PTPRN2: variants seen among roughly 807,000 people sequenced by gnomAD.
The protein encoded by PTPRN2 is protein tyrosine phosphatase receptor type N2.
A neutral mutation model predicts 118.8 loss-of-function variants in PTPRN2; 74 were observed. The observed-to-expected ratio is 0.62, with a 90% confidence interval of 0.52 to 0.76. The LOEUF is 0.76. Among genes scored for constraint, PTPRN2 ranks in the 30% least tolerant of loss-of-function variants. PTPRN2 has a pLI of 0.00. For missense variants in PTPRN2, 1,481 were observed against 1,394.4 expected, an observed-to-expected ratio of 1.06 and a Z score of -0.99; for synonymous variants, 641 against 608.0, an observed-to-expected ratio of 1.05 and a Z score of -0.80.
rs1393405719 is a variant in PTPRN2 at position 157,787,098 on chromosome 7, C to T, written c.1789-104161G>A. ...GGCGGGGGACGCGGGGGTGGCTGCC[C>T]GGGAGGCGGACGCGGGTGCGGCGGG... On this transcript the variant is annotated intron_variant, in intron 12 of 22. Transcript: ENST00000389418. This position sits in a 1 kb window ranked among gnomAD's most constrained non-coding sequence, Gnocchi z 5.3. 2.6e-5 allele frequency among the ~76,000 whole-genome samples: 3 copies of T among 113,820 alleles called. No individual in the cohort carries two copies. The highest frequency in any genetic ancestry group is 6.7e-5 in the African/African-American group (2 of 29,676). 74.7% of individuals were successfully genotyped at this position (113,820 alleles called of 152,430 possible). A position where few individuals can be genotyped will look rare whatever the true frequency, so the allele number is the denominator to read the frequency against.
chr7:157,551,844 C>T (rs1798642160), intron 21 of PTPRN2, among the ~76,000 whole-genome samples: 1 of 143,784 alleles, frequency 7.0e-6, no homozygotes, highest in Non-Finnish European at 1.5e-5. Flanking sequence ...CCACCACACA[C>T]CCCACAGCCA....
Position 157,874,544 on chromosome 7 carries a change from G to A in PTPRN2, c.1788+24129C>T, listed in dbSNP as rs959904793. On this transcript the variant is annotated intron_variant, in intron 12 of 22. Transcript: ENST00000389418. This position sits in a 1 kb window ranked among gnomAD's most constrained non-coding sequence, Gnocchi z 5.8. The stretch of plus-strand genomic sequence containing the variant: ...CGAGCTTTTATTTCAGTGAAGCTTC[G>A]GGGTCACCTGCACGGCCTCTCGTGA... Among the ~76,000 whole-genome samples the A allele has an allele frequency of 2.6e-5, 4 of 152,132 alleles. No homozygotes were observed. Among genetic ancestry groups the A allele is most frequent in the Non-Finnish European group, 5.9e-5 (4 of 68,020 alleles).
chr7:158,317,455 G>A (rs59856544), intron 2 of PTPRN2, among the ~76,000 whole-genome samples: 2,507 of 152,360 alleles, frequency 0.016, 56 homozygotes, highest in African/African-American at 0.057. Flanking sequence ...CGCGGGGCTG[G>A]CGAACGGTGT....
chr7:158,285,606 A>G (rs937032013), intron 3 of PTPRN2, among the ~76,000 whole-genome samples: 1 of 152,124 alleles, frequency 6.6e-6, no homozygotes, highest in Non-Finnish European at 1.5e-5. Context: ...CTGCCTCCAC[A>G]GCTTCTCCTC....
At chr7:157,835,512 G>A (rs548167300) in intron 12 of PTPRN2, among the ~76,000 whole-genome samples, 55 of 152,272 alleles carry the variant, frequency 3.6e-4, no homozygotes, top group African/African-American at 1.2e-3. Context: ...TATTAGAGAC[G>A]TACGGCACAG....
At chr7:158,528,329 C>T (rs941211321) in intron 1 of PTPRN2, among the ~76,000 whole-genome samples, 4 of 152,130 alleles carry the variant, frequency 2.6e-5, no homozygotes, top group Admixed American at 2.0e-4. Flanking sequence ...GGGGTATGAA[C>T]GCCAGGTGAC....
rs1455743020 is a variant in PTPRN2, at chr7:157,785,904, C to G, written c.1789-102967G>C. ...CTGGTTTTTTTTGTGTGCGTGTTCA[C>G]CAGCCTGCTCACCTGGGTAGCAGGG... On this transcript the variant is annotated intron_variant, in intron 12 of 22. Transcript: ENST00000389418. The surrounding 1 kb of genome is among the most constrained non-coding windows in gnomAD (Gnocchi z 7.3). Among the ~76,000 whole-genome samples the G allele has an allele frequency of 1.3e-5, 2 of 152,108 alleles. No homozygotes were observed. Among genetic ancestry groups the G allele is most frequent in the Admixed American group, 6.5e-5 (1 of 15,282 alleles).
chr7:158,482,070 A>G (rs1257532115), intron 2 of PTPRN2, among the ~76,000 whole-genome samples: 6 of 152,220 alleles, frequency 3.9e-5, no homozygotes, highest in Non-Finnish European at 1.5e-5. Flanking sequence ...AGATGTGACC[A>G]AATTGCCACA....
intron 11 of PTPRN2, among the ~76,000 whole-genome samples, chr7:158,070,682 G>GTGGTGGCGGAGGTGCCCC: frequency 1.4e-5 from 1 of 72,556 alleles, no homozygotes; most frequent in Non-Finnish European, 2.8e-5. Context: ...GGAGGTGCCC[G>GTGGTGGCGGAGGTGCCCC]TGGTGGCGGA....
At chr7:158,043,737 G>A (rs1202424800) in intron 11 of PTPRN2, among the ~76,000 whole-genome samples, 1 of 152,198 alleles carries the variant, frequency 6.6e-6, no homozygotes, top group African/African-American at 2.4e-5. Flanking sequence ...CAATGCCAGG[G>A]CACCCAAGTA....
chr7:158,387,812 T>G (rs1414724092), intron 2 of PTPRN2, among the ~76,000 whole-genome samples: 1 of 152,140 alleles, frequency 6.6e-6, no homozygotes. Flanking sequence ...GCCGCTGCCC[T>G]GTGGGATTCG....
At chr7:158,521,505 G>A (rs1394480723) in intron 1 of PTPRN2, among the ~76,000 whole-genome samples, 1 of 152,246 alleles carries the variant, frequency 6.6e-6, no homozygotes, top group African/African-American at 2.4e-5. Context: ...TTTCTCAGGA[G>A]CAGCACGCTG....
At chr7:157,971,719 T>C (rs1298340636) in intron 11 of PTPRN2, among the ~76,000 whole-genome samples, 2 of 151,348 alleles carry the variant, frequency 1.3e-5, no homozygotes, top group African/African-American at 4.9e-5. Flanking sequence ...AAACCCACCG[T>C]TTTAGAATGC....
chr7:157,905,826 C>T (rs759208985), intron 11 of PTPRN2, among the ~76,000 whole-genome samples: 4 of 152,174 alleles, frequency 2.6e-5, no homozygotes, highest in East Asian at 1.9e-4. Flanking sequence ...GAAGCTGTCA[C>T]CTGGAGCCTG....
At chr7:157,978,138 G>A (rs1010581568) in intron 11 of PTPRN2, among the ~76,000 whole-genome samples, 3 of 151,976 alleles carry the variant, frequency 2.0e-5, no homozygotes, top group Non-Finnish European at 4.4e-5. Context: ...GCAGTTTCCC[G>A]GAAAGTCTGA....
intron 2 of PTPRN2, among the ~76,000 whole-genome samples, chr7:158,321,027 C>T (rs1802967630): frequency 6.6e-6 from 1 of 152,040 alleles, no homozygotes; most frequent in African/African-American, 2.4e-5. Flanking sequence ...CCCAAAAGGT[C>T]TCTATGAACA....
intron 2 of PTPRN2, among the ~76,000 whole-genome samples, chr7:158,456,730 A>G (rs1818538320): frequency 6.6e-6 from 1 of 152,228 alleles, no homozygotes; most frequent in Admixed American, 6.5e-5. Flanking sequence ...GAGAAAATCT[A>G]CTACACCATA....
chr7:157,837,170 T>C (rs1241073254), intron 12 of PTPRN2, among the ~76,000 whole-genome samples: 1,721 of 35,238 alleles, frequency 0.049, no homozygotes, highest in Middle Eastern at 0.061. Context: ...TGTCCCTCCA[T>C]CCACCCACCC....
intron 6 of PTPRN2, among the ~76,000 whole-genome samples, chr7:158,149,819 A>G (rs1820765344): frequency 6.6e-6 from 1 of 150,448 alleles, no homozygotes. Context: ...AAAAAAAAAG[A>G]TAAACCCAAG....
Sources: allele counts gnomAD v4.1 joint callset (sites outside exome capture counted in the v4.1 genomes callset), GRCh38; gene constraint gnomAD v4.1.1; non-coding constraint Gnocchi (gnomAD v3.1); transcripts MANE v1.5; gene names NCBI Gene and HGNC (gene_info 2026-07-23, HGNC 2026-07-21).